The following SLIT3 variants were observed in gnomAD, a reference collection of about 807,000 sequenced individuals.
SLIT3 encodes slit guidance ligand 3, also known as slit homolog 3 protein.
A neutral mutation model predicts 184.0 loss-of-function variants in SLIT3; 68 were observed. That is an observed-to-expected ratio of 0.37 (90% CI 0.30 to 0.45). The LOEUF (loss-of-function observed/expected upper bound fraction) is 0.45. SLIT3 is among the 20% of genes least tolerant of loss of function. The pLI is 1.00. For missense variants in SLIT3, 1,707 were observed against 2,026.0 expected (o/e 0.84, Z 3.02); for synonymous variants, 831 against 828.6 (o/e 1.00, Z -0.05).
chr5:168,898,972 A>C (rs1325042111), intron 4 of SLIT3, among the ~76,000 whole-genome samples: 1 of 146,470 alleles, frequency 6.8e-6, no homozygotes, highest in Non-Finnish European at 1.5e-5. Context: ...TGAGAAGGCT[A>C]TTACCATAAC....
At chr5:169,105,304 A>G (rs538648022) in intron 4 of SLIT3, among the ~76,000 whole-genome samples, 1 of 152,372 alleles carries the variant, frequency 6.6e-6, no homozygotes, top group South Asian at 2.1e-4. Context: ...CCAAAGAACT[A>G]TTAATGATTC....
At chr5:169,185,562 T>C (rs1483763716) in intron 4 of SLIT3, among the ~76,000 whole-genome samples, 1 of 152,230 alleles carries the variant, frequency 6.6e-6, no homozygotes, top group Admixed American at 6.5e-5. Context: ...TTTTCTCCAC[T>C]GGTTTTTCAC....
chr5:169,178,547 A>C (rs1256730699), intron 4 of SLIT3, among the ~76,000 whole-genome samples: 2 of 152,182 alleles, frequency 1.3e-5, no homozygotes, highest in African/African-American at 4.8e-5. Flanking sequence ...GGAGCCAGAA[A>C]AAGACTAAAA....
chr5:168,666,845 C>T (rs553854841), intron 35 of SLIT3, 156 bp from the exon 36 acceptor site: 2 of 1,259,202 alleles, frequency 1.6e-6, no homozygotes, highest in Non-Finnish European at 2.2e-6. Flanking sequence ...ATCCACCCAT[C>T]TATTTTACAA....
Position 168,817,460 on chromosome 5 carries a change from G to C in SLIT3, c.633C>G (p.Arg211=), listed in dbSNP as rs1561949255. The C allele has an allele frequency of 6.2e-7, 1 of 1,613,554 alleles. No homozygotes were observed. Among genetic ancestry groups the C allele is most frequent in the Non-Finnish European group, 8.5e-7 (1 of 1,179,976 alleles). ...CGCAGTACAGGTGGTTGGAGTGGAG[G>C]CGCCTGGGAGAGGGCGGGACAGAGA... The part of the protein sequence containing the change: ...FNHMPKIRTL[R]LHSNHLYCDC... The change falls in exon 8 of 36, where the codon CGC becomes CGG. Residue 211 remains arginine, a synonymous_variant. Coordinates refer to ENST00000519560, the MANE Select transcript of SLIT3 (RefSeq NM_003062.4).
chr5:169,010,227 C>T (rs1487332115), intron 4 of SLIT3, among the ~76,000 whole-genome samples: 1 of 152,208 alleles, frequency 6.6e-6, no homozygotes, highest in East Asian at 1.9e-4. Context: ...CTCAGGTACC[C>T]AGTGTGACCA....
At chr5:168,746,467 CGGTGGTGTGGGTGTGGTGGTGTGT>C in intron 20 of SLIT3, among the ~76,000 whole-genome samples, 1 of 16,006 alleles carries the variant, frequency 6.2e-5, no homozygotes, top group South Asian at 2.9e-3. Context: ...TGGTGGTGTG[CGGTGGTGTGGGTGTGGTGGTGTGT>C]GGTGGTGTGT....
At chr5:169,151,467 G>C (rs1762116453) in intron 4 of SLIT3, among the ~76,000 whole-genome samples, 1 of 152,196 alleles carries the variant, frequency 6.6e-6, no homozygotes, top group African/African-American at 2.4e-5. Context: ...TGGAATAACA[G>C]CTTTGGCAGG....
At chr5:169,244,820 C>T in intron 2 of SLIT3, 44 bp from the exon 3 acceptor site, 1 of 1,545,328 alleles carries the variant, frequency 6.5e-7, no homozygotes, top group Non-Finnish European at 8.9e-7. Flanking sequence ...AAGCTGGGCT[C>T]AGGGACCCTC....
intron 3 of SLIT3, among the ~76,000 whole-genome samples, chr5:169,200,057 C>G (rs1763863694): frequency 6.6e-6 from 1 of 152,204 alleles, no homozygotes; most frequent in Non-Finnish European, 1.5e-5. Context: ...CTGAGTCTGT[C>G]TTCATCATTC....
chr5:169,013,702 T>C (rs537322593), intron 4 of SLIT3, among the ~76,000 whole-genome samples: 168 of 152,296 alleles, frequency 1.1e-3, no homozygotes, highest in Admixed American at 2.0e-3. Flanking sequence ...CGGGGCCCCA[T>C]GCAGCTCCTC....
Position 169,136,695 on chromosome 5 carries a change from G to A in SLIT3, c.413+56784C>T, listed in dbSNP as rs143290536. Among the ~76,000 whole-genome samples the A allele has an allele frequency of 2.7e-3, 418 of 152,240 alleles. 1 individual carries two copies. The highest frequency in any genetic ancestry group is 9.5e-3 in the African/African-American group (396 of 41,528). ...TGCCTCAATGCCTCATTATGGGCCT[G>A]GATTTGCTTTCCCATTGGAGAATGG... is the stretch of plus-strand genomic sequence containing the variant. On this transcript the variant is annotated intron_variant, in intron 4 of 35. Transcript: ENST00000519560.
chr5:169,059,556 G>A (rs1329328032), intron 4 of SLIT3, among the ~76,000 whole-genome samples: 6 of 152,144 alleles, frequency 3.9e-5, no homozygotes, highest in Admixed American at 3.9e-4. Context: ...CTACACTGTA[G>A]AAGCCTCAAA....
intron 4 of SLIT3, among the ~76,000 whole-genome samples, chr5:169,153,028 C>T (rs1351740614): frequency 1.3e-5 from 2 of 152,246 alleles, no homozygotes; most frequent in East Asian, 3.8e-4. Flanking sequence ...CTTCAGAAGG[C>T]TCTGAATGTC....
intron 2 of SLIT3, among the ~76,000 whole-genome samples, chr5:169,247,471 A>T (rs1179985919): frequency 2.0e-5 from 3 of 152,190 alleles, no homozygotes; most frequent in Non-Finnish European, 2.9e-5. Flanking sequence ...TAAGTACCAC[A>T]TTCCCTCTGG....
chr5:169,159,004 C>T (rs891031716), intron 4 of SLIT3, among the ~76,000 whole-genome samples: 16 of 151,798 alleles, frequency 1.1e-4, no homozygotes, highest in East Asian at 9.6e-4. Context: ...AGACTGAGGC[C>T]GGGCATGGTG....
intron 12 of SLIT3, among the ~76,000 whole-genome samples, chr5:168,779,504 C>T (rs1472152644): frequency 6.6e-6 from 1 of 152,202 alleles, no homozygotes; most frequent in Non-Finnish European, 1.5e-5. Flanking sequence ...GGCCCTCTGC[C>T]ACCCCCTTCC....
intron 1 of SLIT3, among the ~76,000 whole-genome samples, chr5:169,295,392 A>G (rs773926949): frequency 1.3e-5 from 2 of 152,284 alleles, no homozygotes; most frequent in African/African-American, 4.8e-5. Context: ...AGTGAACAAC[A>G]TGGTAGGCAC....
chr5:168,842,482 T>TTTTG (rs2113709935), intron 6 of SLIT3, among the ~76,000 whole-genome samples: 1 of 147,738 alleles, frequency 6.8e-6, no homozygotes, highest in South Asian at 2.2e-4. Context: ...TTTTTTTTTT[T>TTTTG]TTTTTGTATC....
Sources: gnomAD v4.1 joint callset for allele counts (sites outside exome capture counted in the v4.1 genomes callset) on GRCh38, gnomAD v4.1.1 for gene constraint, MANE v1.5 for transcripts, NCBI Gene and HGNC (gene_info 2026-07-23, HGNC 2026-07-21) for gene names.